The following FNBP1 variants were observed in gnomAD, a reference collection of about 807,000 sequenced individuals.
The protein encoded by FNBP1 is formin binding protein 1.
In FNBP1, 26 loss-of-function variants were observed where a neutral mutation model predicts 90.6. The ratio of observed to expected loss-of-function variants is 0.29; its 90% CI spans 0.21 to 0.40. The LOEUF (loss-of-function observed/expected upper bound fraction) is 0.40, where lower values mean the gene tolerates loss of function less well. Ranked by LOEUF, FNBP1 falls within the 10% of genes least tolerant of loss-of-function variation. The pLI is 1.00. For synonymous variants in FNBP1, 260 were observed against 265.2 expected (o/e 0.98, Z 0.19); for missense variants, 635 against 768.0 (o/e 0.83, Z 2.05).
chr9:130,013,786 T>C (rs2056911518), intron 1 of FNBP1: 1 of 451,452 alleles, frequency 2.2e-6, no homozygotes, highest in Non-Finnish European at 4.4e-6. Context: ...TCCTGAATGG[T>C]TTAATATCAT....
intron 6 of FNBP1, among the ~76,000 whole-genome samples, chr9:129,937,507 C>A (rs1356400831): frequency 6.6e-6 from 1 of 151,874 alleles, no homozygotes; most frequent in African/African-American, 2.4e-5. Context: ...CTGAGGCGGG[C>A]GGATCATGAG....
At chr9:130,037,132 A>G (rs190330605) in intron 1 of FNBP1, among the ~76,000 whole-genome samples, 3,264 of 151,882 alleles carry the variant, frequency 0.021, 47 homozygotes, top group Middle Eastern at 0.034. Context: ...AGAGGCAGGC[A>G]GATCACTTGA....
At position 129,954,047 on chromosome 9, in the gene FNBP1, A is replaced by C. The variant is rs574043618; in HGVS notation, c.513+3313T>G. ...AAAATAATAATATAATAAAATAAGC[A>C]TAAATAATTTCTTAAAAAACGTATC... On this transcript the variant is annotated intron_variant, in intron 6 of 16. Transcript: ENST00000446176. Among the ~76,000 whole-genome samples, 46 of 151,958 alleles carry C rather than the reference A, an allele frequency of 3.0e-4. No homozygotes were observed. The South Asian group carries it at 9.5e-3, about 32-fold the overall frequency.
chr9:129,895,761 G>A, intron 16 of FNBP1, 77 bp downstream of exon 16: 2 of 1,447,564 alleles, frequency 1.4e-6, no homozygotes, highest in Non-Finnish European at 1.8e-6. Flanking sequence ...GCCTGTAACA[G>A]TCATGGTTGT....
chr9:130,035,132 T>C (rs2059194991), intron 1 of FNBP1, among the ~76,000 whole-genome samples: 1 of 152,044 alleles, frequency 6.6e-6, no homozygotes, highest in African/African-American at 2.4e-5. Flanking sequence ...CTGGGCAACA[T>C]GGAGAAGTGG....
chr9:129,922,327 A>C (rs1412207062), intron 10 of FNBP1, among the ~76,000 whole-genome samples: 2 of 152,254 alleles, frequency 1.3e-5, no homozygotes, highest in Non-Finnish European at 2.9e-5. Context: ...AGCGCACATC[A>C]ATCTTAATGA....
At chr9:129,962,549 G>C (rs942383615) in intron 4 of FNBP1, among the ~76,000 whole-genome samples, 6 of 152,204 alleles carry the variant, frequency 3.9e-5, no homozygotes, top group African/African-American at 1.4e-4. Flanking sequence ...AACTGGAAAG[G>C]CTGGGAAGGC....
At chr9:129,914,824 AATAGTGTGCTT>A in intron 11 of FNBP1, 1 of 274,166 alleles carries the variant, frequency 3.6e-6, no homozygotes, top group South Asian at 3.6e-5. Flanking sequence ...CTAGGTTATC[AATAGTGTGCTT>A]ATAGTGCTGA....
At chr9:129,975,577 A>G (rs62583655) in intron 4 of FNBP1, among the ~76,000 whole-genome samples, 5,270 of 152,240 alleles carry the variant, frequency 0.035, 128 homozygotes, top group Middle Eastern at 0.11. Context: ...CAGTGAGTAA[A>G]TAAAATATAA....
At chr9:129,926,828 G>A (rs1299134363) in intron 8 of FNBP1, among the ~76,000 whole-genome samples, 2 of 151,366 alleles carry the variant, frequency 1.3e-5, no homozygotes, top group Non-Finnish European at 2.9e-5. Context: ...GGAGGTTGCA[G>A]TGACCCAAGA....
chr9:130,026,931 A>C (rs1450302049), intron 1 of FNBP1, among the ~76,000 whole-genome samples: 3 of 149,418 alleles, frequency 2.0e-5, no homozygotes, highest in East Asian at 2.0e-4. Context: ...GCACCACTGC[A>C]CTCCAGCCTG....
chr9:130,018,553 G>GTATTTATT (rs375132451), intron 1 of FNBP1, among the ~76,000 whole-genome samples: 15 of 151,428 alleles, frequency 9.9e-5, no homozygotes, highest in South Asian at 2.1e-4. Context: ...ACTCATTTGG[G>GTATTTATT]TATTTATTTA....
At chr9:130,027,675 T>TG (rs561930151) in intron 1 of FNBP1, among the ~76,000 whole-genome samples, 7 of 152,212 alleles carry the variant, frequency 4.6e-5, no homozygotes, top group African/African-American at 1.7e-4. Flanking sequence ...GCTTACAGGC[T>TG]GGGGGGACCC....
intron 6 of FNBP1, among the ~76,000 whole-genome samples, chr9:129,930,037 TGAG>T (rs1331416908): frequency 2.0e-5 from 3 of 152,046 alleles, no homozygotes; most frequent in African/African-American, 4.8e-5. Context: ...TTTTTTTTTT[TGAG>T]GAGGGGATGA....
intron 1 of FNBP1, among the ~76,000 whole-genome samples, chr9:130,036,282 A>C (rs1022537240): frequency 4.6e-5 from 7 of 152,232 alleles, no homozygotes; most frequent in Admixed American, 4.6e-4. Context: ...TGCAGGAAAC[A>C]TAATATTAGC....
chr9:129,925,680 G>A (rs1206785842), intron 8 of FNBP1, among the ~76,000 whole-genome samples: 1 of 119,090 alleles, frequency 8.4e-6, no homozygotes, highest in Non-Finnish European at 1.6e-5. Context: ...CGCAACCTCC[G>A]CCTCCCAGGT....
Position 129,900,261 on chromosome 9 carries a change from T to C in FNBP1, c.1551-160A>G, listed in dbSNP as rs554758905. ...TCGCACGCTCAGATCACCCATCCCA[T>C]GTGGAATTATAAATCTGCATCATGG... On this transcript the variant is annotated intron_variant, in intron 14 of 16. Transcript: ENST00000446176. This position sits in a 1 kb window ranked among gnomAD's most constrained non-coding sequence, Gnocchi z 4.1. 5.3e-5 allele frequency among the ~76,000 whole-genome samples: 8 copies of C among 152,316 alleles called. No individual in the cohort carries two copies. In the South Asian group the frequency reaches 1.0e-3, roughly 20 times the overall value.
intron 4 of FNBP1, among the ~76,000 whole-genome samples, chr9:129,965,362 T>C (rs1031347149): frequency 6.6e-6 from 1 of 152,214 alleles, no homozygotes; most frequent in African/African-American, 2.4e-5. Flanking sequence ...CTCAGAGGCA[T>C]GCTCAGTTGC....
intron 15 of FNBP1, among the ~76,000 whole-genome samples, chr9:129,898,958 C>G (rs950658584): frequency 3.3e-5 from 5 of 151,952 alleles, no homozygotes; most frequent in Non-Finnish European, 5.9e-5. Flanking sequence ...TGCAGTGAAG[C>G]AAGCTCTCTG....
Sources: allele counts gnomAD v4.1 joint callset (sites outside exome capture counted in the v4.1 genomes callset), GRCh38; gene constraint gnomAD v4.1.1; non-coding constraint Gnocchi (gnomAD v3.1); transcripts MANE v1.5; gene names NCBI Gene and HGNC (gene_info 2026-07-23, HGNC 2026-07-21).